GATAD2A: variants seen among roughly 807,000 people sequenced by gnomAD.
GATAD2A encodes transcriptional repressor p66-alpha.
In GATAD2A, 12 loss-of-function variants were observed where a neutral mutation model predicts 68.5. The observed-to-expected ratio is 0.18, with a 90% confidence interval of 0.11 to 0.28. GATAD2A has a LOEUF of 0.28. GATAD2A is among the 10% of genes least tolerant of loss of function. GATAD2A has a pLI of 1.00. For synonymous variants in GATAD2A, 410 were observed against 375.3 expected (o/e 1.09, Z -1.07); for missense variants, 755 against 868.5 (o/e 0.87, Z 1.64).
chr19:19,461,652 A>T (rs1396898714), intron 1 of GATAD2A, among the ~76,000 whole-genome samples: 1 of 152,108 alleles, frequency 6.6e-6, no homozygotes, highest in Non-Finnish European at 1.5e-5. Context: ...TTTGGCCCCT[A>T]GTTGAGGAAG....
At chr19:19,420,841 A>C (rs140904103) in intron 1 of GATAD2A, among the ~76,000 whole-genome samples, 192 of 152,266 alleles carry the variant, frequency 1.3e-3, no homozygotes, top group African/African-American at 4.5e-3. Context: ...TTCTGTGGTT[A>C]TGAGGATTAA....
intron 1 of GATAD2A, among the ~76,000 whole-genome samples, chr19:19,451,108 C>G (rs1401964278): frequency 6.6e-6 from 1 of 151,824 alleles, no homozygotes; most frequent in Non-Finnish European, 1.5e-5. Flanking sequence ...GGCGTGGTGG[C>G]TTACTCCTGT....
chr19:19,498,894 C>T (rs2060327055), intron 8 of GATAD2A, among the ~76,000 whole-genome samples, 172 bp downstream of exon 8: 1 of 152,218 alleles, frequency 6.6e-6, no homozygotes, highest in South Asian at 2.1e-4. Context: ...TGGACACTGT[C>T]CTCCGGTTGG....
intron 1 of GATAD2A, among the ~76,000 whole-genome samples, chr19:19,459,742 G>C (rs1264992378): frequency 6.6e-6 from 1 of 152,216 alleles, no homozygotes; most frequent in African/African-American, 2.4e-5. Context: ...TCCTGTGGTT[G>C]ATTGACAGAC....
intron 2 of GATAD2A, among the ~76,000 whole-genome samples, chr19:19,480,923 T>C (rs981771283): frequency 3.3e-5 from 5 of 152,218 alleles, no homozygotes; most frequent in African/African-American, 1.2e-4. Context: ...AGCGAGCACT[T>C]TCCATTCATT....
chr19:19,444,537 A>T (rs1305621794), intron 1 of GATAD2A, among the ~76,000 whole-genome samples: 1 of 152,120 alleles, frequency 6.6e-6, no homozygotes, highest in African/African-American at 2.4e-5. Flanking sequence ...TAAATGAGTG[A>T]AACACCTTGT....
At chr19:19,490,618 G>C (rs1600269709) in intron 2 of GATAD2A, among the ~76,000 whole-genome samples, 1 of 152,192 alleles carries the variant, frequency 6.6e-6, no homozygotes, top group African/African-American at 2.4e-5. Flanking sequence ...AAATGGACTT[G>C]ATTCACTTCG....
intron 1 of GATAD2A, among the ~76,000 whole-genome samples, chr19:19,416,091 T>C (rs2051602011): frequency 6.6e-6 from 1 of 152,078 alleles, no homozygotes; most frequent in African/African-American, 2.4e-5. Flanking sequence ...CCTAAAGCAC[T>C]GGGATTACAG....
intron 1 of GATAD2A, among the ~76,000 whole-genome samples, chr19:19,412,632 C>CG (rs565696861): frequency 1.6e-3 from 244 of 151,734 alleles, no homozygotes; most frequent in Middle Eastern, 3.4e-3. Flanking sequence ...ACTCTGTCTG[C>CG]GGGGGGGATA....
At chr19:19,405,382 C>T (rs561729467), upstream of GATAD2A, among the ~76,000 whole-genome samples, 2 of 152,338 alleles carry the variant, frequency 1.3e-5, no homozygotes, top group Non-Finnish European at 2.9e-5. Flanking sequence ...CAGCAGTGAG[C>T]GCGTCGTGAG....
At chr19:19,417,441 C>T (rs1272607984) in intron 1 of GATAD2A, among the ~76,000 whole-genome samples, 1 of 152,150 alleles carries the variant, frequency 6.6e-6, no homozygotes, top group East Asian at 1.9e-4. Flanking sequence ...TTTCTTGGCT[C>T]TCTCAGTCTC....
At chr19:19,501,553 A>G in intron 9 of GATAD2A, 137 bp downstream of exon 9, 1 of 710,418 alleles carries the variant, frequency 1.4e-6, no homozygotes, top group Non-Finnish European at 2.3e-6. Flanking sequence ...TGGGCGGCAA[A>G]AACACTAATT....
chr19:19,402,287 GCCTCAAGCAAT>G (rs1314606949), upstream of GATAD2A: 2 of 151,814 alleles, frequency 1.3e-5, no homozygotes, highest in Non-Finnish European at 2.9e-5. Flanking sequence ...CAAATTCTTG[GCCTCAAGCAAT>G]CCTCTCACCT....
chr19:19,458,802 T>C (rs773805361), intron 1 of GATAD2A, among the ~76,000 whole-genome samples: 7 of 152,172 alleles, frequency 4.6e-5, no homozygotes, highest in Admixed American at 6.5e-5. Context: ...GAATGGGCAG[T>C]GGTATCCTCT....
At chr19:19,496,476 C>T (rs1256205416) in intron 7 of GATAD2A, among the ~76,000 whole-genome samples, 1 of 152,220 alleles carries the variant, frequency 6.6e-6, no homozygotes, top group African/African-American at 2.4e-5. Context: ...GATGCACGGA[C>T]CTGAGCTGAA....
rs1208187096 is a variant in GATAD2A at position 19,507,193 on chromosome 19, G to A, written c.*1719G>A. 1 of 148,484 alleles carries A rather than the reference G, an allele frequency of 6.7e-6. No individual in the cohort carries two copies. The highest frequency in any genetic ancestry group is 1.5e-5 in the Non-Finnish European group (1 of 67,390). 9.2% of individuals were successfully genotyped at this position (148,484 alleles called of 1,614,324 possible). ...TTCATTCCAAGATCCAGGGATTTGGGGAAAAGGAAGGAATTTGATGTTTTT... is the reference window on the plus strand; with the variant it reads ...TTCATTCCAAGATCCAGGGATTTGGAGAAAAGGAAGGAATTTGATGTTTTT... On this transcript the variant is annotated 3_prime_UTR_variant, in exon 12 of 12. Transcript: ENST00000683918.
chr19:19,502,260 G>A, intron 10 of GATAD2A, 71 bp from the exon 11 acceptor site: 1 of 1,232,342 alleles, frequency 8.1e-7, no homozygotes, highest in African/African-American at 1.5e-5. Context: ...GCAAGGAGAG[G>A]CTGCGCTGAG....
chr19:19,457,911 A>G (rs2057084052), intron 1 of GATAD2A, among the ~76,000 whole-genome samples: 3 of 151,962 alleles, frequency 2.0e-5, no homozygotes, highest in Admixed American at 2.0e-4. Context: ...CCCGTCTCCA[A>G]CTCATGCAGG....
chr19:19,406,437 G>A (rs1239922553), intron 1 of GATAD2A, among the ~76,000 whole-genome samples: 1 of 151,442 alleles, frequency 6.6e-6, no homozygotes, highest in Non-Finnish European at 1.5e-5. Context: ...GGGTTGGGCA[G>A]CAACGCTGAA....
Sources: allele counts gnomAD v4.1 joint callset (sites outside exome capture counted in the v4.1 genomes callset), GRCh38; gene constraint gnomAD v4.1.1; transcripts MANE v1.5; gene names NCBI Gene and HGNC (gene_info 2026-07-23, HGNC 2026-07-21).